The following UQCRQ variants were observed in gnomAD, a reference collection of about 807,000 sequenced individuals.
UQCRQ encodes the protein ubiquinol-cytochrome c reductase complex III subunit VII.
In UQCRQ, 9 loss-of-function variants were observed where a neutral mutation model predicts 7.9. The observed-to-expected ratio is 1.13, with a 90% confidence interval of 0.68 to 1.98. The LOEUF (loss-of-function observed/expected upper bound fraction) is 1.98. Among genes scored for constraint, UQCRQ ranks in the 30% most tolerant of loss-of-function variants. The pLI, the probability that UQCRQ is intolerant of heterozygous loss-of-function variation, is 0.00. For missense variants in UQCRQ, 112 were observed against 109.7 expected (o/e 1.02, Z -0.10); for synonymous variants, 50 against 41.9 (o/e 1.19, Z -0.75).
At chr5:132,867,144 C>G (rs1002475617) in intron 2 of UQCRQ, 109 bp downstream of exon 2, 5 of 1,391,816 alleles carry the variant, frequency 3.6e-6, no homozygotes, top group African/African-American at 1.4e-5. Flanking sequence ...TGTAACTTGC[C>G]GTACACACCT....
Position 132,866,923 on chromosome 5 carries a change from G to GATC in UQCRQ, c.44_46dup (p.Ile15dup), listed in dbSNP as rs755621566. 6.2e-7 allele frequency: 1 copy of GATC among 1,614,088 alleles called. No homozygotes were observed. The highest frequency in any genetic ancestry group is 2.2e-5 in the East Asian group (1 of 44,886). On this transcript the variant is annotated inframe_insertion, in exon 2 of 3. Coordinates refer to ENST00000378670, the MANE Select transcript of UQCRQ (RefSeq NM_014402.5). ...GGAATCTGACGCGGATGCGGCATGT[G>GATC]ATCAGCTACAGCTTGTCACCGTTCG...
rs915402297 is a variant in UQCRQ, at chr5:132,867,943, C to G, written c.*361C>G. 3.1e-6 allele frequency: 1 copy of G among 326,222 alleles called. No homozygotes were observed. Among genetic ancestry groups the G allele is most frequent in the Admixed American group, 4.2e-5 (1 of 23,752 alleles). 20.2% of individuals were successfully genotyped at this position (326,222 alleles called of 1,614,324 possible). On this transcript the variant is annotated 3_prime_UTR_variant, in exon 3 of 3. Coordinates refer to ENST00000378670, the MANE Select transcript of UQCRQ (RefSeq NM_014402.5). ...TCTGCTCCCATAGCAACAATAAAGT[C>G]TACTAACTATATTGTAATTAGTATG...
chr5:132,866,809 G>C, intron 1 of UQCRQ, 60 bp from the exon 2 acceptor site: 2 of 1,593,352 alleles, frequency 1.3e-6, no homozygotes, highest in Non-Finnish European at 1.7e-6. Flanking sequence ...ATGGACCCCC[G>C]CGGGGACTGC....
At position 132,867,626 on chromosome 5, in the gene UQCRQ, C is replaced by G; in HGVS notation, c.*44C>G. ...GGTTCCCTGTCTCTGAAAGACCTTT[C>G]TCTGGAAGAGGAGTCTGCATTGTAG... is the stretch of plus-strand genomic sequence containing the variant. On this transcript the variant is annotated 3_prime_UTR_variant, in exon 3 of 3. Transcript: ENST00000378670. 1 of 1,521,128 alleles carries G rather than the reference C, an allele frequency of 6.6e-7. No homozygotes were observed. Among genetic ancestry groups the G allele is most frequent in the South Asian group, 1.1e-5 (1 of 88,346 alleles). The allele number at this position is 1,521,128 out of a possible 1,614,324, so 94.2% of individuals were successfully genotyped here.
At position 132,867,509 on chromosome 5, in the gene UQCRQ, T is replaced by A; in HGVS notation, c.176T>A (p.Ile59Asn). The change falls in exon 3 of 3, where the codon ATC becomes AAC. Residue 59 changes from isoleucine (I) to asparagine (N), a missense_variant. Ile to Asn is a moderately radical substitution (Grantham distance 149, BLOSUM62 -3). Coordinates refer to ENST00000378670, the MANE Select transcript of UQCRQ (RefSeq NM_014402.5). ...AAAGAGTTTGTAGTGTTTTATCTTA[T>A]CTACACATGGGGGACTGAAGAGTTC... Reference protein sequence around the residue: ...VVPQFVVFYLIYTWGTEEFER... With the variant: ...VVPQFVVFYLNYTWGTEEFER... 6.2e-7 allele frequency: 1 copy of A among 1,614,074 alleles called. No homozygotes were observed. Among genetic ancestry groups the A allele is most frequent in the Admixed American group, 1.7e-5 (1 of 60,034 alleles).
rs573546990 is a variant in UQCRQ at position 132,867,646 on chromosome 5, T to C, written c.*64T>C. 3.0e-6 allele frequency: 4 copies of C among 1,329,712 alleles called. No homozygotes were observed. Among genetic ancestry groups the C allele is most frequent in the East Asian group, 4.7e-5 (2 of 42,632 alleles). 82.4% of individuals were successfully genotyped at this position (1,329,712 alleles called of 1,614,324 possible). A position where few individuals can be genotyped will look rare whatever the true frequency, so the allele number is the denominator to read the frequency against. On this transcript the variant is annotated 3_prime_UTR_variant, in exon 3 of 3. Coordinates refer to ENST00000378670, the MANE Select transcript of UQCRQ (RefSeq NM_014402.5). ...CCTTTCTCTGGAAGAGGAGTCTGCA[T>C]TGTAGTGTCTCAAAGACACAATAAA... is the stretch of plus-strand genomic sequence containing the variant.
Position 132,868,287 on chromosome 5 carries a change from T to TA in UQCRQ, c.*706dup. Among the ~76,000 whole-genome samples, 1 of 152,334 alleles carries TA rather than the reference T, an allele frequency of 6.6e-6. No individual in the cohort carries two copies. Among genetic ancestry groups the TA allele is most frequent in the Non-Finnish European group, 1.5e-5 (1 of 68,034 alleles). On this transcript the variant is annotated 3_prime_UTR_variant, in exon 3 of 3. Coordinates refer to ENST00000378670, the MANE Select transcript of UQCRQ (RefSeq NM_014402.5). ...AAGCCATGGTGCTCTGGGCCTCAAATACTCTTCTTAGCTACACAAATGAAC... is the reference window on the plus strand; with the variant it reads ...AAGCCATGGTGCTCTGGGCCTCAAATAACTCTTCTTAGCTACACAAATGAAC...
Position 132,866,683 on chromosome 5 carries a change from G to C in UQCRQ, c.-18G>C, listed in dbSNP as rs527907338. 5 of 652,208 alleles carry C rather than the reference G, an allele frequency of 7.7e-6. No individual in the cohort carries two copies. The highest frequency in any genetic ancestry group is 5.5e-5 in the African/African-American group (3 of 54,908). The allele number at this position is 652,208 out of a possible 1,614,324, so 40.4% of individuals were successfully genotyped here. On this transcript the variant is annotated 5_prime_UTR_variant, in exon 1 of 3. Transcript: ENST00000378670. ...TCGGTGACTGTGGAGGGCGAGCTGA[G>C]CCCTGTGCGTGAGTGGGGTCTGGTT...
At chr5:132,867,180 C>T in intron 2 of UQCRQ, 145 bp downstream of exon 2, 1 of 1,098,358 alleles carries the variant, frequency 9.1e-7, no homozygotes, top group South Asian at 1.5e-5. Context: ...CCTGACCGCC[C>T]TTAAGCTGGT....
At position 132,867,675 on chromosome 5, in the gene UQCRQ, C is replaced by T. The variant is rs1011562972; in HGVS notation, c.*93C>T. On this transcript the variant is annotated 3_prime_UTR_variant, in exon 3 of 3. Transcript: ENST00000378670. Reference sequence around the variant, plus strand: ...AGTGTCTCAAAGACACAATAAACTTCCTATGGTCTGCACTGTTGTGATATT... The same window carrying T: ...AGTGTCTCAAAGACACAATAAACTTTCTATGGTCTGCACTGTTGTGATATT... The T allele has an allele frequency of 1.1e-5, 11 of 999,366 alleles. No individual in the cohort carries two copies. The highest frequency in any genetic ancestry group is 2.1e-4 in the Middle Eastern group (1 of 4,724). 61.9% of individuals were successfully genotyped at this position (999,366 alleles called of 1,614,324 possible). A position where few individuals can be genotyped will look rare whatever the true frequency, so the allele number is the denominator to read the frequency against.
Position 132,867,858 on chromosome 5 carries a change from A to C in UQCRQ, c.*276A>C. 1 of 466,412 alleles carries C rather than the reference A, an allele frequency of 2.1e-6. No homozygotes were observed. The highest frequency in any genetic ancestry group is 3.9e-6 in the Non-Finnish European group (1 of 254,438). The allele number at this position is 466,412 out of a possible 1,614,324, so 28.9% of individuals were successfully genotyped here. Reference sequence around the variant, plus strand: ...TATCTACAAGAAAGTAGCTGCAGGTACTCCTGCATCTAACCATTTGTGGGT... The same window carrying C: ...TATCTACAAGAAAGTAGCTGCAGGTCCTCCTGCATCTAACCATTTGTGGGT... On this transcript the variant is annotated 3_prime_UTR_variant, in exon 3 of 3. Coordinates refer to ENST00000378670, the MANE Select transcript of UQCRQ (RefSeq NM_014402.5).
chr5:132,866,741 G>A (rs1759630868), intron 1 of UQCRQ, 54 bp downstream of exon 1: 3 of 1,209,094 alleles, frequency 2.5e-6, no homozygotes. Context: ...GAGGCTAGGG[G>A]CGCCCCGCTG....
intron 2 of UQCRQ, 177 bp downstream of exon 2, chr5:132,867,212 C>G: frequency 2.2e-6 from 2 of 892,156 alleles, no homozygotes; most frequent in Non-Finnish European, 3.4e-6. Flanking sequence ...CCCCATCTTA[C>G]ACGGGGAAAA....
At position 132,868,020 on chromosome 5, in the gene UQCRQ, A is replaced by C. The variant is rs1581256589; in HGVS notation, c.*438A>C. On this transcript the variant is annotated 3_prime_UTR_variant, in exon 3 of 3. Coordinates refer to ENST00000378670, the MANE Select transcript of UQCRQ (RefSeq NM_014402.5). The stretch of plus-strand genomic sequence containing the variant: ...TTTTGAGATGGAGTCTTGCTCTCTC[A>C]CCCAGGCTGGAGTGCAGTGGTGTGA... 9.1e-6 allele frequency: 2 copies of C among 219,916 alleles called. No homozygotes were observed. Among genetic ancestry groups the C allele is most frequent in the East Asian group, 2.2e-4 (2 of 9,066 alleles). The allele number at this position is 219,916 out of a possible 1,614,324, so 13.6% of individuals were successfully genotyped here.
At position 132,866,965 on chromosome 5, in the gene UQCRQ, G is replaced by T. The variant is rs200567528; in HGVS notation, c.84G>T (p.Pro28=). 7.7e-5 allele frequency: 125 copies of T among 1,614,120 alleles called. No individual in the cohort carries two copies. The highest frequency in any genetic ancestry group is 1.0e-4 in the Non-Finnish European group (119 of 1,179,982). Residue 28 remains proline, a synonymous_variant, in exon 2 of 3, where the codon CCG becomes CCT. Transcript: ENST00000378670. ...CACCGTTCGAGCAGCGCGCCTATCC[G>T]CACGTCTTCACTAAAGGAATCCCCA... is the stretch of plus-strand genomic sequence containing the variant. ...SLSPFEQRAY[P]HVFTKGIPNV... is the part of the protein sequence containing the mutation.
At position 132,867,517 on chromosome 5, in the gene UQCRQ, T is replaced by C. The variant is rs774034319; in HGVS notation, c.184T>C (p.Trp62Arg). 1.2e-6 allele frequency: 2 copies of C among 1,614,112 alleles called. No individual in the cohort carries two copies. The highest frequency in any genetic ancestry group is 2.2e-5 in the South Asian group (2 of 91,082). Residue 62 changes from tryptophan (W) to arginine (R), a missense_variant, in exon 3 of 3, where the codon TGG becomes CGG. By Grantham distance (101) the Trp-to-Arg change is moderately radical. Coordinates refer to ENST00000378670, the MANE Select transcript of UQCRQ (RefSeq NM_014402.5). ...TGTAGTGTTTTATCTTATCTACACA[T>C]GGGGGACTGAAGAGTTCGAGAGATC... ...QFVVFYLIYT[W>R]GTEEFERSKR... is the part of the protein sequence containing the mutation.
intron 2 of UQCRQ, chr5:132,867,280 CCT>C (rs1418327289): frequency 1.4e-6 from 1 of 694,394 alleles, no homozygotes; most frequent in African/African-American, 1.8e-5. Context: ...CCAGCATGTT[CCT>C]CTGAGGTCAC....
chr5:132,866,763 G>A (rs1482262952), intron 1 of UQCRQ, 76 bp downstream of exon 1: 1 of 1,434,030 alleles, frequency 7.0e-7, no homozygotes, highest in East Asian at 2.4e-5. Flanking sequence ...GCTGGGAAAG[G>A]ATAAGGAGTG....
In UQCRQ at chr5:132,867,374, A is replaced by G. The variant is rs1046503080; in HGVS notation, c.155-114A>G. 8.3e-6 allele frequency: 7 copies of G among 842,838 alleles called. No homozygotes were observed. The Admixed American group carries it at 1.5e-4, about 17-fold the overall frequency. The allele number at this position is 842,838 out of a possible 1,614,324, so 52.2% of individuals were successfully genotyped here. ...TGATGATAGTTGCATGGCCTTGGAT[A>G]TGCTAAGAACTACTGAAGTGTATGC... On this transcript the variant is annotated intron_variant, in intron 2 of 2. Transcript: ENST00000378670.
Sources: allele counts gnomAD v4.1 joint callset (sites outside exome capture counted in the v4.1 genomes callset), GRCh38; gene constraint gnomAD v4.1.1; transcripts MANE v1.5; gene names NCBI Gene and HGNC (gene_info 2026-07-23, HGNC 2026-07-21).